The following DOP1B variants were observed in gnomAD, a reference collection of about 807,000 sequenced individuals.
DOP1B encodes the protein protein DOP1B.
DOP1B carries 174 observed loss-of-function variants against 233.5 expected under a neutral mutation model. The ratio of observed to expected loss-of-function variants is 0.75; its 90% CI spans 0.66 to 0.85. The LOEUF (loss-of-function observed/expected upper bound fraction) is 0.85. Ranked by LOEUF, DOP1B falls within the 40% of genes least tolerant of loss-of-function variation. The pLI, the probability that DOP1B is intolerant of heterozygous loss-of-function variation, is 0.00. For missense variants in DOP1B, 2,652 were observed against 2,846.6 expected (o/e 0.93, Z 1.56); for synonymous variants, 1,190 against 1,185.6 (o/e 1.00, Z -0.08).
rs138054732 is a variant in DOP1B, at chr21:36,227,672, C to T, written c.1474-14C>T. On this transcript the variant is annotated splice_polypyrimidine_tract_variant and intron_variant, in intron 12 of 36. Transcript: ENST00000691173. Reference sequence around the variant, plus strand: ...ACCAACATTGTGGGGTTAACCTACACGTTTATTTCACAGGAACTTTACTCT... The same window carrying T: ...ACCAACATTGTGGGGTTAACCTACATGTTTATTTCACAGGAACTTTACTCT... 3.7e-5 allele frequency: 55 copies of T among 1,505,968 alleles called. No homozygotes were observed. The East Asian group carries it at 9.8e-4, about 27-fold the overall frequency. The allele number at this position is 1,505,968 out of a possible 1,614,324, so 93.3% of individuals were successfully genotyped here.
At position 36,208,830 on chromosome 21, in the gene DOP1B, G is replaced by A. The variant is rs771546721; in HGVS notation, c.607G>A (p.Val203Met). ...PSIRLPASVF[V>M]VGHINRDAPG... ...CATCCGCCTCCCTGCCTCAGTCTTC[G>A]TGGTGGGCCACATCAACAGGGATGC... is the stretch of plus-strand genomic sequence containing the variant. Residue 203 changes from valine (V) to methionine (M), a missense_variant, in exon 5 of 37, where the codon GTG (valine) becomes ATG (methionine). Val to Met is a conservative substitution (Grantham distance 21). Coordinates refer to ENST00000691173, the MANE Select transcript of DOP1B (RefSeq NM_001320714.2). 18 of 1,600,888 alleles carry A rather than the reference G, an allele frequency of 1.1e-5. No individual in the cohort carries two copies. The highest frequency in any genetic ancestry group is 3.4e-5 in the Admixed American group (2 of 58,544).
chr21:36,253,073 TG>T (rs1427505243), intron 22 of DOP1B, among the ~76,000 whole-genome samples: 11 of 152,292 alleles, frequency 7.2e-5, no homozygotes, highest in Middle Eastern at 3.4e-3. Flanking sequence ...GCTCCTTCCC[TG>T]GTGAGGAACC....
chr21:36,166,665 C>G (rs2065913958), intron 2 of DOP1B, among the ~76,000 whole-genome samples: 1 of 152,146 alleles, frequency 6.6e-6, no homozygotes. Context: ...GCTGTTCAGA[C>G]AGGACCTGAG....
intron 2 of DOP1B, among the ~76,000 whole-genome samples, chr21:36,176,412 G>A (rs1451936244): frequency 2.0e-5 from 3 of 152,128 alleles, no homozygotes; most frequent in African/African-American, 7.2e-5. Flanking sequence ...TGTATGAGCT[G>A]CATCTTTCAG....
At chr21:36,253,731 C>G (rs200160023) in intron 22 of DOP1B, 41 bp from the exon 23 acceptor site, 4 of 1,582,576 alleles carry the variant, frequency 2.5e-6, no homozygotes, top group Admixed American at 3.5e-5. Flanking sequence ...TTTTTACTTT[C>G]TCTCTATAAG....
chr21:36,209,996 G>T (rs529367769), intron 5 of DOP1B, among the ~76,000 whole-genome samples: 8 of 152,092 alleles, frequency 5.3e-5, no homozygotes, highest in African/African-American at 1.9e-4. Flanking sequence ...AAAGCGCCTC[G>T]CACAATGATC....
intron 26 of DOP1B, among the ~76,000 whole-genome samples, chr21:36,264,237 A>G (rs2067208368): frequency 6.6e-6 from 1 of 152,166 alleles, no homozygotes; most frequent in Non-Finnish European, 1.5e-5. Flanking sequence ...TCTGGGTAAC[A>G]TAGTGAGACC....
At chr21:36,255,117 C>G (rs890713763) in intron 23 of DOP1B, among the ~76,000 whole-genome samples, 2 of 150,734 alleles carry the variant, frequency 1.3e-5, no homozygotes, top group African/African-American at 4.9e-5. Flanking sequence ...TCCTGGCTAA[C>G]TTTTGGTTTT....
intron 2 of DOP1B, among the ~76,000 whole-genome samples, chr21:36,198,211 C>T (rs1171017221): frequency 2.0e-5 from 3 of 151,896 alleles, no homozygotes; most frequent in Non-Finnish European, 2.9e-5. Context: ...GGGTGGATCA[C>T]AAGGTCAGGA....
intron 2 of DOP1B, among the ~76,000 whole-genome samples, chr21:36,195,485 A>T (rs940554400): frequency 6.6e-6 from 1 of 152,078 alleles, no homozygotes; most frequent in Non-Finnish European, 1.5e-5. Context: ...AGTGAGTTGC[A>T]ATCACACCAC....
In DOP1B at chr21:36,253,856, CA is replaced by C; in HGVS notation, c.5207del (p.His1736ProfsTer3). 1 of 1,614,030 alleles carries C rather than the reference CA, an allele frequency of 6.2e-7. No individual in the cohort carries two copies. ...CACCCTGCAGACTGACACGCTGCTG[CA>C]CCTGGTGAAGGAGGTGGTGAAGAGG... ...LSTLQTDTLL[H>X]LVKEVVKRPP... On this transcript the variant is annotated frameshift_variant, in exon 23 of 37. Coordinates refer to ENST00000691173, the MANE Select transcript of DOP1B (RefSeq NM_001320714.2). LOFTEE classifies it high-confidence loss of function.
Position 36,246,061 on chromosome 21 carries a change from T to C in DOP1B, c.4081T>C (p.Ser1361Pro). The change falls in exon 19 of 37, where the codon TCA becomes CCA. Residue 1361 changes from serine (S) to proline (P), a missense_variant. By Grantham distance (74) the Ser-to-Pro change is moderately conservative. Coordinates refer to ENST00000691173, the MANE Select transcript of DOP1B (RefSeq NM_001320714.2). This position sits in a 1 kb window ranked among gnomAD's most constrained non-coding sequence, Gnocchi z 5.1. ...GATCAGGATAATGATGCAGCTGGTCTCAGTGGCCAAGTCTTCGGAAGGGAA... is the reference window on the plus strand; with the variant it reads ...GATCAGGATAATGATGCAGCTGGTCCCAGTGGCCAAGTCTTCGGAAGGGAA... The part of the protein sequence containing the change: ...VLIRIMMQLV[S>P]VAKSSEGKNV... 1 of 1,614,008 alleles carries C rather than the reference T, an allele frequency of 6.2e-7. No individual in the cohort carries two copies. Among genetic ancestry groups the C allele is most frequent in the Non-Finnish European group, 8.5e-7 (1 of 1,180,028 alleles).
chr21:36,251,118 C>T, intron 21 of DOP1B, 44 bp from the exon 22 acceptor site: 1 of 1,590,796 alleles, frequency 6.3e-7, no homozygotes, highest in Non-Finnish European at 8.5e-7. Flanking sequence ...GATGCCATAG[C>T]CCCAATATTA....
At chr21:36,179,441 C>T (rs1370968977) in intron 2 of DOP1B, among the ~76,000 whole-genome samples, 2 of 152,170 alleles carry the variant, frequency 1.3e-5, no homozygotes, top group South Asian at 4.1e-4. Context: ...TTGTACATGA[C>T]AGATGATTAG....
intron 35 of DOP1B, among the ~76,000 whole-genome samples, chr21:36,289,424 GGTGTGTGTGT>G (rs59907412): frequency 0.022 from 3,238 of 144,946 alleles, 57 homozygotes; most frequent in Middle Eastern, 0.035. Context: ...GTGTTTCTAT[GGTGTGTGTGT>G]GTGTGTGTGT....
rs539158542 is a variant in DOP1B at position 36,238,388 on chromosome 21, C to T, written c.2776-213C>T. ...CTCTAATACTGAGTTCTGAATGTGC[C>T]GCTGTGTTAAAGTGAACAATCAGAG... On this transcript the variant is annotated intron_variant, in intron 16 of 36. Transcript: ENST00000691173. Among the ~76,000 whole-genome samples the T allele has an allele frequency of 3.9e-5, 6 of 152,236 alleles. No homozygotes were observed. The East Asian group carries it at 1.2e-3, about 29-fold the overall frequency.
chr21:36,267,694 T>C (rs2067245786), intron 26 of DOP1B, among the ~76,000 whole-genome samples: 1 of 150,276 alleles, frequency 6.7e-6, no homozygotes. Context: ...AGTATTTCAA[T>C]GTAGGTTCTT....
chr21:36,157,615 TC>T (rs1323890824), intron 1 of DOP1B, among the ~76,000 whole-genome samples: 3 of 151,952 alleles, frequency 2.0e-5, no homozygotes, highest in Non-Finnish European at 2.9e-5. Flanking sequence ...GGGAAGACCG[TC>T]CCCCCGGCCC....
At chr21:36,201,271 G>A (rs1295291122) in intron 4 of DOP1B, among the ~76,000 whole-genome samples, 2 of 151,476 alleles carry the variant, frequency 1.3e-5, no homozygotes, top group Non-Finnish European at 2.9e-5. Context: ...AGGGTCAGAG[G>A]GTAAGAAGGT....
Sources: gnomAD v4.1 joint callset for allele counts (sites outside exome capture counted in the v4.1 genomes callset) on GRCh38, gnomAD v4.1.1 for gene constraint, Gnocchi (gnomAD v3.1) non-coding constraint, MANE v1.5 for transcripts, NCBI Gene and HGNC (gene_info 2026-07-23, HGNC 2026-07-21) for gene names.